MAPK10: variants seen among roughly 807,000 people sequenced by gnomAD.
MAPK10 encodes the protein JNK3 alpha protein kinase.
MAPK10 carries 25 observed loss-of-function variants against 59.3 expected under a neutral mutation model. That is an observed-to-expected ratio of 0.42 (90% CI 0.31 to 0.59). The LOEUF is 0.59. MAPK10 is among the 20% of genes least tolerant of loss of function. The pLI is 0.15. For missense variants in MAPK10, 351 were observed against 568.9 expected (o/e 0.62, Z 3.90); for synonymous variants, 190 against 200.5 (o/e 0.95, Z 0.44).
chr4:86,285,238 G>C (rs1406376989), intron 2 of MAPK10, among the ~76,000 whole-genome samples: 1 of 149,836 alleles, frequency 6.7e-6, no homozygotes, highest in Admixed American at 6.6e-5. Context: ...TTTTTTTTGA[G>C]ATGGAGTCTT....
At chr4:86,056,971 A>G (rs1417578984) in intron 11 of MAPK10, among the ~76,000 whole-genome samples, 1 of 146,610 alleles carries the variant, frequency 6.8e-6, no homozygotes, top group Admixed American at 6.7e-5. Context: ...ATTTTATTTT[A>G]TTTATTTTTT....
intron 1 of MAPK10, among the ~76,000 whole-genome samples, chr4:86,484,000 C>T (rs1393079318): frequency 6.6e-6 from 1 of 151,972 alleles, no homozygotes; most frequent in Non-Finnish European, 1.5e-5. Flanking sequence ...CTTCCAAAGG[C>T]AGAGATTTAT....
chr4:86,404,485 C>T (rs1744119420), intron 1 of MAPK10, among the ~76,000 whole-genome samples: 1 of 152,180 alleles, frequency 6.6e-6, no homozygotes, highest in Non-Finnish European at 1.5e-5. Flanking sequence ...ATGCCTACTG[C>T]TTCATGCCAC....
At chr4:86,420,892 G>A (rs1008186471) in intron 1 of MAPK10, among the ~76,000 whole-genome samples, 2 of 152,076 alleles carry the variant, frequency 1.3e-5, no homozygotes, top group Non-Finnish European at 2.9e-5. Context: ...GACCAGCCTG[G>A]CCAACAAGGG....
chr4:86,387,579 G>A (rs1372731276), intron 1 of MAPK10, among the ~76,000 whole-genome samples: 1 of 152,130 alleles, frequency 6.6e-6, no homozygotes, highest in Non-Finnish European at 1.5e-5. Context: ...ACTCTTAATA[G>A]CTGACGCTGC....
chr4:86,473,272 C>A (rs1752804818), intron 1 of MAPK10, among the ~76,000 whole-genome samples: 1 of 152,096 alleles, frequency 6.6e-6, no homozygotes, highest in Non-Finnish European at 1.5e-5. Context: ...GAGGTCAAAG[C>A]AGGGTTTATT....
intron 2 of MAPK10, among the ~76,000 whole-genome samples, chr4:86,212,636 C>G (rs909966755): frequency 2.0e-5 from 3 of 152,052 alleles, no homozygotes; most frequent in African/African-American, 7.2e-5. Flanking sequence ...AAGAGACAAA[C>G]AGGACACTGT....
rs539547605 is a variant in MAPK10 at position 86,214,079 on chromosome 4, C to T, written c.-6-19672G>A. On this transcript the variant is annotated intron_variant, in intron 2 of 13. Coordinates refer to ENST00000641462, the MANE Select transcript of MAPK10 (RefSeq NM_138982.4). ...TAGAATGCAAGGATGGTTCAACATA[C>T]AAAAATCAATCTATGTAGTATATCT... 3.3e-5 allele frequency among the ~76,000 whole-genome samples: 5 copies of T among 152,024 alleles called. No homozygotes were observed. The South Asian group carries it at 8.3e-4, about 25-fold the overall frequency.
chr4:86,384,630 T>TA (rs111976764), intron 1 of MAPK10, among the ~76,000 whole-genome samples: 2,061 of 152,196 alleles, frequency 0.014, 10 homozygotes, highest in African/African-American at 0.015. Flanking sequence ...AGATGATCAT[T>TA]ACATTAGAGG....
intron 1 of MAPK10, among the ~76,000 whole-genome samples, chr4:86,414,338 C>T (rs1336017268): frequency 1.3e-5 from 2 of 152,146 alleles, no homozygotes; most frequent in African/African-American, 4.8e-5. Flanking sequence ...CCAATCATTG[C>T]ATTTCGCCCT....
chr4:86,413,709 G>A (rs1050618660), intron 1 of MAPK10, among the ~76,000 whole-genome samples: 2 of 152,216 alleles, frequency 1.3e-5, no homozygotes, highest in African/African-American at 4.8e-5. Context: ...CCATGTGCAT[G>A]GGACCCGCCG....
At chr4:86,376,481 A>G (rs1461536503) in intron 1 of MAPK10, among the ~76,000 whole-genome samples, 3 of 152,192 alleles carry the variant, frequency 2.0e-5, no homozygotes, top group Non-Finnish European at 4.4e-5. Context: ...TGAATTACAG[A>G]TGGTTCAAAA....
chr4:86,452,057 C>T (rs1232159808), intron 1 of MAPK10, among the ~76,000 whole-genome samples: 1 of 152,112 alleles, frequency 6.6e-6, no homozygotes, highest in Non-Finnish European at 1.5e-5. Context: ...AAACGAGATG[C>T]CCAAGATCCT....
At chr4:86,137,040 C>G (rs1232873124) in intron 4 of MAPK10, among the ~76,000 whole-genome samples, 4 of 151,496 alleles carry the variant, frequency 2.6e-5, no homozygotes, top group Admixed American at 1.3e-4. Flanking sequence ...TAAAGCAAGT[C>G]CTGAGTGACC....
At position 86,140,907 on chromosome 4, in the gene MAPK10, CTG is replaced by C. The variant is rs139684310; in HGVS notation, c.236+18389_236+18390del. 4.6e-5 allele frequency among the ~76,000 whole-genome samples: 7 copies of C among 152,214 alleles called. No individual in the cohort carries two copies. The East Asian group carries it at 1.2e-3, about 25-fold the overall frequency. ...AATACTTTGCAAAGTGTCAAAAGCA[CTG>C]TGTTTGTCAACAGCAATTTTCAAAA... On this transcript the variant is annotated intron_variant, in intron 4 of 13. Coordinates refer to ENST00000641462, the MANE Select transcript of MAPK10 (RefSeq NM_138982.4).
intron 2 of MAPK10, among the ~76,000 whole-genome samples, chr4:86,195,829 C>T (rs2081171560): frequency 6.6e-6 from 1 of 152,140 alleles, no homozygotes; most frequent in Non-Finnish European, 1.5e-5. Context: ...GTTTGGTTTT[C>T]GGTTCCTGTG....
chr4:86,282,822 G>T (rs1031280698), intron 2 of MAPK10, among the ~76,000 whole-genome samples: 2 of 152,058 alleles, frequency 1.3e-5, no homozygotes, highest in Non-Finnish European at 2.9e-5. Context: ...AAGTCCCCTT[G>T]TTTCCCTATG....
chr4:86,430,174 T>C (rs1747851978), intron 1 of MAPK10, among the ~76,000 whole-genome samples: 2 of 152,240 alleles, frequency 1.3e-5, no homozygotes, highest in African/African-American at 4.8e-5. Flanking sequence ...CGTACCCATG[T>C]AGATTCCTGG....
At position 86,377,181 on chromosome 4, in the gene MAPK10, A is replaced by G. The variant is rs28722082; in HGVS notation, c.-121-22537T>C. On this transcript the variant is annotated intron_variant, in intron 1 of 13. Transcript: ENST00000361569. Reference sequence around the variant, plus strand: ...TGCTTAAGATTGTCATTGTCTCATCAGATTAACACTAGCACTCTGATGTAA... The same window carrying G: ...TGCTTAAGATTGTCATTGTCTCATCGGATTAACACTAGCACTCTGATGTAA... 4.3e-3 allele frequency among the ~76,000 whole-genome samples: 649 copies of G among 152,284 alleles called. 5 individuals are homozygous for G. The highest frequency in any genetic ancestry group is 0.015 in the African/African-American group (627 of 41,554).
Sources: gnomAD v4.1 joint callset for allele counts (sites outside exome capture counted in the v4.1 genomes callset) on GRCh38, gnomAD v4.1.1 for gene constraint, MANE v1.5 for transcripts, NCBI Gene and HGNC (gene_info 2026-07-23, HGNC 2026-07-21) for gene names.